WWOX: variants seen among roughly 807,000 people sequenced by gnomAD.
WWOX encodes WW domain-containing oxidoreductase.
In WWOX, 69 loss-of-function variants were observed where a neutral mutation model predicts 46.2. The ratio of observed to expected loss-of-function variants is 1.49; its 90% CI spans 1.23 to 1.82. WWOX has a LOEUF of 1.82. Ranked by LOEUF, WWOX falls within the 40% of genes most tolerant of loss-of-function variation. The pLI is 0.00. For missense variants in WWOX, 919 were observed against 542.6 expected (o/e 1.69, Z -6.89); for synonymous variants, 359 against 202.6 (o/e 1.77, Z -6.56).
At chr16:78,671,119 G>C (rs4284654) in intron 8 of WWOX, among the ~76,000 whole-genome samples, 11,061 of 152,170 alleles carry the variant, frequency 0.073, 1,334 homozygotes, top group African/African-American at 0.25. Flanking sequence ...TTCCTGAACT[G>C]TGAAAGAATA....
At chr16:78,970,523 G>T (rs1000139873) in intron 8 of WWOX, among the ~76,000 whole-genome samples, 3 of 152,206 alleles carry the variant, frequency 2.0e-5, no homozygotes, top group African/African-American at 4.8e-5. Flanking sequence ...CATTGTGTTT[G>T]AGCTAGGCTT....
chr16:79,139,041 G>T (rs549493827), intron 8 of WWOX, among the ~76,000 whole-genome samples: 1 of 152,220 alleles, frequency 6.6e-6, no homozygotes, highest in African/African-American at 2.4e-5. Flanking sequence ...TGCCCTGAAC[G>T]AAGATAGATG....
intron 8 of WWOX, among the ~76,000 whole-genome samples, chr16:79,159,200 G>T (rs907510831): frequency 6.6e-6 from 1 of 152,192 alleles, no homozygotes; most frequent in Non-Finnish European, 1.5e-5. Context: ...GGTCACTGTA[G>T]TAATAGACTA....
At chr16:78,579,085 C>A (rs2044980228) in intron 8 of WWOX, among the ~76,000 whole-genome samples, 1 of 152,090 alleles carries the variant, frequency 6.6e-6, no homozygotes, top group Admixed American at 6.6e-5. Flanking sequence ...GCCACTTCAT[C>A]ATGTTTGGTC....
At chr16:78,916,725 T>C (rs2045260631) in intron 8 of WWOX, among the ~76,000 whole-genome samples, 1 of 152,214 alleles carries the variant, frequency 6.6e-6, no homozygotes, top group Non-Finnish European at 1.5e-5. Context: ...CTTTCTAGGA[T>C]AAACTCTAAA....
At chr16:78,721,919 C>G (rs770027365) in intron 8 of WWOX, among the ~76,000 whole-genome samples, 10 of 152,210 alleles carry the variant, frequency 6.6e-5, no homozygotes, top group Non-Finnish European at 1.5e-4. Context: ...TCAGGAAACC[C>G]AACTTTGTAA....
intron 8 of WWOX, among the ~76,000 whole-genome samples, chr16:78,604,257 C>A (rs888746605): frequency 1.3e-5 from 2 of 152,080 alleles, no homozygotes; most frequent in African/African-American, 4.8e-5. Flanking sequence ...CCTGGGGCAC[C>A]CTTCCTTATT....
chr16:78,631,186 C>G (rs947009642), intron 8 of WWOX, among the ~76,000 whole-genome samples: 10 of 152,112 alleles, frequency 6.6e-5, no homozygotes, highest in African/African-American at 2.4e-4. Context: ...GAACCAGTCC[C>G]CTTTGGATAC....
At chr16:78,178,748 C>T (rs539461979) in intron 5 of WWOX, among the ~76,000 whole-genome samples, 2 of 151,816 alleles carry the variant, frequency 1.3e-5, no homozygotes, top group African/African-American at 4.8e-5. Flanking sequence ...GCTATAATCC[C>T]AGCTGCTCAG....
intron 5 of WWOX, among the ~76,000 whole-genome samples, chr16:78,199,218 CAGGAGAATCACTTGAACCCAGG>C (rs1212001632): frequency 6.6e-6 from 1 of 152,128 alleles, no homozygotes; most frequent in African/African-American, 2.4e-5. Context: ...GAGGCTGAGG[CAGGAGAATCACTTGAACCCAGG>C]AGGCGGAGGT....
intron 8 of WWOX, among the ~76,000 whole-genome samples, chr16:78,624,924 C>G (rs1175429065): frequency 6.6e-6 from 1 of 152,220 alleles, no homozygotes; most frequent in East Asian, 1.9e-4. Context: ...ACACAAAACC[C>G]TGTTCATTTT....
intron 5 of WWOX, among the ~76,000 whole-genome samples, chr16:78,282,308 A>G (rs1312590139): frequency 1.3e-5 from 2 of 152,132 alleles, no homozygotes; most frequent in African/African-American, 4.8e-5. Context: ...CTGACGTTGC[A>G]ATTTTATTTT....
chr16:79,105,061 A>G (rs188305501), intron 8 of WWOX, among the ~76,000 whole-genome samples: 4 of 152,160 alleles, frequency 2.6e-5, no homozygotes, highest in East Asian at 3.9e-4. Context: ...AAAGTGGAAA[A>G]TGTGATATGA....
At chr16:79,004,508 T>C (rs1437399463) in intron 8 of WWOX, 2 of 152,280 alleles carry the variant, frequency 1.3e-5, no homozygotes, top group Non-Finnish European at 2.9e-5. Flanking sequence ...CTGGTTTCTA[T>C]TATAGCCCTG....
intron 8 of WWOX, among the ~76,000 whole-genome samples, chr16:78,962,086 T>C (rs566079454): frequency 3.4e-4 from 52 of 152,088 alleles, no homozygotes; most frequent in Non-Finnish European, 6.2e-4. Context: ...AAAGGAGCTT[T>C]GGAAAGGGAC....
intron 8 of WWOX, among the ~76,000 whole-genome samples, chr16:79,135,192 G>C (rs1008724650): frequency 6.6e-6 from 1 of 151,804 alleles, no homozygotes; most frequent in Non-Finnish European, 1.5e-5. Flanking sequence ...AACCTTGCTA[G>C]AAAAAAATAT....
intron 4 of WWOX, among the ~76,000 whole-genome samples, chr16:78,134,762 G>T (rs1045627409): frequency 7.2e-5 from 11 of 152,234 alleles, no homozygotes; most frequent in African/African-American, 2.6e-4. Flanking sequence ...TATTTTCCTT[G>T]TTGTTAAGAG....
chr16:78,246,134 C>T (rs189236883), intron 5 of WWOX, among the ~76,000 whole-genome samples: 4 of 152,270 alleles, frequency 2.6e-5, no homozygotes, highest in African/African-American at 7.2e-5. Flanking sequence ...AGCATCTGTG[C>T]ATTTTTTAAA....
At position 78,571,642 on chromosome 16, in the gene WWOX, G is replaced by T. The variant is rs182987360; in HGVS notation, c.1056+138890G>T. Among the ~76,000 whole-genome samples the T allele has an allele frequency of 2.6e-4, 39 of 152,292 alleles. 1 individual carries two copies. Among genetic ancestry groups the T allele is most frequent in the Non-Finnish European group, 2.9e-4 (20 of 68,022 alleles). On this transcript the variant is annotated intron_variant, in intron 8 of 8. Transcript: ENST00000566780. Reference sequence around the variant, plus strand: ...TCCGCACTTAAGGAGTCCAAGGCAGGTGGATTACTTGAGGTCAGAAGCTCC... The same window carrying T: ...TCCGCACTTAAGGAGTCCAAGGCAGTTGGATTACTTGAGGTCAGAAGCTCC...
Sources: allele counts gnomAD v4.1 joint callset (sites outside exome capture counted in the v4.1 genomes callset), GRCh38; gene constraint gnomAD v4.1.1; transcripts MANE v1.5; gene names NCBI Gene and HGNC (gene_info 2026-07-23, HGNC 2026-07-21).